The following MAP3K13 variants were observed in gnomAD, a reference collection of about 807,000 sequenced individuals.
The protein encoded by MAP3K13 is leucine zipper-bearing kinase.
A neutral mutation model predicts 104.0 loss-of-function variants in MAP3K13; 52 were observed. The ratio of observed to expected loss-of-function variants is 0.50; its 90% CI spans 0.40 to 0.63. The LOEUF (loss-of-function observed/expected upper bound fraction) is 0.63. MAP3K13 is among the 20% of genes least tolerant of loss of function. MAP3K13 has a pLI of 0.00. For missense variants in MAP3K13, 914 were observed against 1,218.5 expected (o/e 0.75, Z 3.72); for synonymous variants, 394 against 442.2 (o/e 0.89, Z 1.37).
intron 1 of MAP3K13, among the ~76,000 whole-genome samples, chr3:185,421,748 T>C (rs533610443): frequency 6.6e-6 from 1 of 152,252 alleles, no homozygotes; most frequent in South Asian, 2.1e-4. Flanking sequence ...CAGCCAGAGA[T>C]AGTGGAACCA....
chr3:185,451,486 G>T (rs1392318501), intron 7 of MAP3K13, 91 bp downstream of exon 7: 1 of 774,408 alleles, frequency 1.3e-6, no homozygotes, highest in East Asian at 2.5e-5. Flanking sequence ...CATTGTGTTT[G>T]TTATAATAGT....
At chr3:185,427,449 A>G (rs1714493040) in intron 1 of MAP3K13, among the ~76,000 whole-genome samples, 1 of 152,226 alleles carries the variant, frequency 6.6e-6, no homozygotes, top group Non-Finnish European at 1.5e-5. Flanking sequence ...CTTCACTTTT[A>G]AAGGTTAGGT....
upstream of MAP3K13, among the ~76,000 whole-genome samples, chr3:185,362,269 C>G (rs115423942): frequency 3.4e-3 from 518 of 152,282 alleles, 4 homozygotes; most frequent in African/African-American, 0.012. Context: ...ATATATTCAT[C>G]TCCAATTTTG....
intron 1 of MAP3K13, among the ~76,000 whole-genome samples, chr3:185,366,290 T>A (rs2108746024): frequency 6.6e-6 from 1 of 152,292 alleles, no homozygotes; most frequent in African/African-American, 2.4e-5. Flanking sequence ...CTTATCTTTT[T>A]ATTCCCAAGA....
intron 2 of MAP3K13, chr3:185,329,237 T>A (rs1462854268): frequency 2.8e-6 from 2 of 703,142 alleles, no homozygotes; most frequent in South Asian, 3.0e-5. Flanking sequence ...GTGTTTACAG[T>A]TAGAAAATAA....
intron 1 of MAP3K13, among the ~76,000 whole-genome samples, chr3:185,413,125 C>T (rs1447432918): frequency 6.6e-6 from 1 of 152,140 alleles, no homozygotes; most frequent in Non-Finnish European, 1.5e-5. Flanking sequence ...CCTGATGAAC[C>T]ATCATTAGAA....
At chr3:185,400,905 G>GTTTTTTTTTTTTTTTTTTT (rs71164506) in intron 1 of MAP3K13, among the ~76,000 whole-genome samples, 11 of 107,290 alleles carry the variant, frequency 1.0e-4, no homozygotes, top group East Asian at 2.7e-4. Flanking sequence ...GTGTTTGTTT[G>GTTTTTTTTTTTTTTTTTTT]TTTTTTTTTT....
At chr3:185,461,793 G>A (rs1717121246) in intron 7 of MAP3K13, among the ~76,000 whole-genome samples, 1 of 152,078 alleles carries the variant, frequency 6.6e-6, no homozygotes, top group African/African-American at 2.4e-5. Flanking sequence ...GAACTCCTGG[G>A]CTCAAGCAAT....
chr3:185,460,316 T>G (rs1717024711), intron 7 of MAP3K13, among the ~76,000 whole-genome samples: 1 of 152,198 alleles, frequency 6.6e-6, no homozygotes, highest in Non-Finnish European at 1.5e-5. Flanking sequence ...TTATTTTATT[T>G]TTTTATTTTT....
intron 2 of MAP3K13, among the ~76,000 whole-genome samples, chr3:185,430,532 G>A (rs975903543): frequency 7.2e-5 from 11 of 152,028 alleles, no homozygotes; most frequent in African/African-American, 2.4e-4. Flanking sequence ...GCTCCTGCTT[G>A]TAAGTGAGAA....
chr3:185,454,604 G>GATAT (rs1424133980), intron 7 of MAP3K13, among the ~76,000 whole-genome samples: 49 of 46,966 alleles, frequency 1.0e-3, no homozygotes, highest in African/African-American at 3.1e-3. Flanking sequence ...ATATATATGA[G>GATAT]ATATATATGA....
chr3:185,351,879 C>A (rs1211783908), intron 2 of MAP3K13, among the ~76,000 whole-genome samples: 2 of 152,168 alleles, frequency 1.3e-5, no homozygotes, highest in African/African-American at 2.4e-5. Context: ...AGCTTTGATT[C>A]ATTAGAATAT....
In MAP3K13 at chr3:185,393,305, G is replaced by A. The variant is rs187050766; in HGVS notation, c.-86+29937G>A. 5.4e-3 allele frequency among the ~76,000 whole-genome samples: 822 copies of A among 152,262 alleles called. 5 individuals carry two copies. Among genetic ancestry groups the A allele is most frequent in the African/African-American group, 0.016 (646 of 41,540 alleles). ...AAAGCATATACGCAATCAGGAATGC[G>A]GAAATGCTGCAATTAATGTATAATT... is the stretch of plus-strand genomic sequence containing the variant. On this transcript the variant is annotated intron_variant, in intron 1 of 13. Coordinates refer to ENST00000265026, the MANE Select transcript of MAP3K13 (RefSeq NM_004721.5).
intron 7 of MAP3K13, among the ~76,000 whole-genome samples, chr3:185,451,850 A>G (rs1715906642): frequency 6.6e-6 from 1 of 151,118 alleles, no homozygotes. Flanking sequence ...CTGGGCAACA[A>G]GAGCAAAACA....
At chr3:185,385,704 T>C (rs955556669) in intron 1 of MAP3K13, among the ~76,000 whole-genome samples, 5 of 151,842 alleles carry the variant, frequency 3.3e-5, no homozygotes, top group African/African-American at 1.2e-4. Context: ...CAACAAAACA[T>C]CAAAAAGTTA....
intron 2 of MAP3K13, among the ~76,000 whole-genome samples, chr3:185,321,100 G>GCA (rs940363646): frequency 2.0e-5 from 3 of 150,654 alleles, no homozygotes; most frequent in Admixed American, 6.6e-5. Flanking sequence ...ACACATGCGT[G>GCA]CACACACATA....
chr3:185,387,508 T>A (rs917732424), intron 1 of MAP3K13, among the ~76,000 whole-genome samples: 4 of 152,136 alleles, frequency 2.6e-5, no homozygotes, highest in Admixed American at 6.5e-5. Context: ...AACCTTTTTT[T>A]AAAAAATAAA....
chr3:185,288,540 G>GTGTA (rs1437773195), intron 2 of MAP3K13, among the ~76,000 whole-genome samples: 1 of 140,204 alleles, frequency 7.1e-6, no homozygotes, highest in African/African-American at 2.5e-5. Context: ...GTGTTTGTGT[G>GTGTA]TATATATATA....
chr3:185,302,248 CAA>C (rs201314340), intron 2 of MAP3K13, among the ~76,000 whole-genome samples: 2 of 118,936 alleles, frequency 1.7e-5, no homozygotes, highest in African/African-American at 3.1e-5. Context: ...ACTAAAAATA[CAA>C]AAAAAAAAAA....
Sources: gnomAD v4.1 joint callset for allele counts (sites outside exome capture counted in the v4.1 genomes callset) on GRCh38, gnomAD v4.1.1 for gene constraint, MANE v1.5 for transcripts, NCBI Gene and HGNC (gene_info 2026-07-23, HGNC 2026-07-21) for gene names.